DCC: variants seen among roughly 807,000 people sequenced by gnomAD.
DCC encodes the protein netrin receptor DCC.
A neutral mutation model predicts 172.5 loss-of-function variants in DCC; 58 were observed. The ratio of observed to expected loss-of-function variants is 0.34; its 90% CI spans 0.27 to 0.42. DCC has a LOEUF of 0.42. Among genes scored for constraint, DCC ranks in the 10% least tolerant of loss-of-function variants. The probability of loss-of-function intolerance (pLI) is 1.00; values close to 1 mark genes in which losing one functional copy is unlikely to be tolerated. For missense variants in DCC, 1,740 were observed against 1,791.0 expected, an observed-to-expected ratio of 0.97 and a Z score of 0.51; for synonymous variants, 709 against 644.5, an observed-to-expected ratio of 1.10 and a Z score of -1.52.
intron 5 of DCC, among the ~76,000 whole-genome samples, chr18:53,051,327 C>T (rs1332178391): frequency 6.6e-6 from 1 of 152,132 alleles, no homozygotes; most frequent in Non-Finnish European, 1.5e-5. Flanking sequence ...TTTACCTTCT[C>T]ATTCCTCCTC....
chr18:53,066,195 C>A (rs373867750), intron 7 of DCC, 29 bp downstream of exon 7: 2 of 1,606,578 alleles, frequency 1.2e-6, no homozygotes, highest in African/African-American at 1.3e-5. Flanking sequence ...TGCTTTGGTA[C>A]CTGGAATGAA....
intron 2 of DCC, among the ~76,000 whole-genome samples, chr18:52,898,910 A>G (rs2039771071): frequency 6.6e-6 from 1 of 152,128 alleles, no homozygotes; most frequent in African/African-American, 2.4e-5. Flanking sequence ...ACCACTGATA[A>G]CTTTGTTCCT....
At chr18:53,396,463 A>T (rs1047084550) in intron 17 of DCC, among the ~76,000 whole-genome samples, 6 of 152,240 alleles carry the variant, frequency 3.9e-5, no homozygotes, top group African/African-American at 1.4e-4. Flanking sequence ...CAAAGAATGA[A>T]TTCAGAAGAC....
chr18:53,319,239 C>G (rs1383554067), intron 13 of DCC, among the ~76,000 whole-genome samples: 3 of 152,120 alleles, frequency 2.0e-5, no homozygotes, highest in African/African-American at 7.2e-5. Flanking sequence ...ATCATGATGA[C>G]AGGATCAAAT....
chr18:52,591,878 C>T (rs1160122374), intron 1 of DCC, among the ~76,000 whole-genome samples: 4 of 147,906 alleles, frequency 2.7e-5, no homozygotes, highest in South Asian at 4.3e-4. Flanking sequence ...GCTTCCAAAG[C>T]TCTAGGATTA....
At chr18:52,967,697 C>G (rs1005854959) in intron 5 of DCC, among the ~76,000 whole-genome samples, 2 of 152,086 alleles carry the variant, frequency 1.3e-5, no homozygotes, top group Non-Finnish European at 2.9e-5. Context: ...TTAGATCTCT[C>G]TCTAGATGAG....
At chr18:52,932,902 C>G (rs1345277169) in intron 5 of DCC, among the ~76,000 whole-genome samples, 2 of 151,964 alleles carry the variant, frequency 1.3e-5, no homozygotes, top group Non-Finnish European at 2.9e-5. Context: ...ATGATTATCT[C>G]AACCATTAAA....
At chr18:52,542,010 C>T (rs946983671) in intron 1 of DCC, among the ~76,000 whole-genome samples, 1 of 146,708 alleles carries the variant, frequency 6.8e-6, no homozygotes, top group Non-Finnish European at 1.5e-5. Flanking sequence ...AATATGCTAG[C>T]AATATATTAT....
chr18:53,286,767 C>A (rs2056940468), intron 12 of DCC, among the ~76,000 whole-genome samples: 1 of 152,178 alleles, frequency 6.6e-6, no homozygotes, highest in Admixed American at 6.5e-5. Flanking sequence ...AAACAACAGA[C>A]AGGATTTAGG....
chr18:53,300,207 C>T (rs1245939365), intron 12 of DCC, among the ~76,000 whole-genome samples: 3 of 152,096 alleles, frequency 2.0e-5, no homozygotes, highest in Non-Finnish European at 4.4e-5. Flanking sequence ...GCAAAGTTGC[C>T]TGCCTGCTTG....
chr18:52,567,932 A>T (rs1144085), intron 1 of DCC, among the ~76,000 whole-genome samples: 148,412 of 152,234 alleles, frequency 0.97, 72,475 homozygotes, highest in Middle Eastern at 1. Flanking sequence ...CACAGAACTT[A>T]ATATGCATGC....
chr18:52,846,340 C>T (rs2038888609), intron 2 of DCC, among the ~76,000 whole-genome samples: 1 of 151,942 alleles, frequency 6.6e-6, no homozygotes. Context: ...TCAGGAGTTC[C>T]AGACGAGCCC....
At chr18:52,945,796 G>A (rs775440903) in intron 5 of DCC, among the ~76,000 whole-genome samples, 17 of 152,116 alleles carry the variant, frequency 1.1e-4, no homozygotes, top group Non-Finnish European at 2.4e-4. Context: ...ACAACCTAAC[G>A]TCCAAATGTA....
intron 5 of DCC, among the ~76,000 whole-genome samples, chr18:52,965,612 A>G (rs1598978839): frequency 6.6e-6 from 1 of 152,198 alleles, no homozygotes. Context: ...CTTGTTCTTC[A>G]GAAAGGTATT....
intron 1 of DCC, among the ~76,000 whole-genome samples, chr18:52,653,529 T>G (rs983972164): frequency 5.9e-5 from 9 of 152,174 alleles, no homozygotes; most frequent in Non-Finnish European, 1.3e-4. Context: ...CTACACAATC[T>G]GATAAATGCT....
At chr18:52,827,536 A>G (rs1222094449) in intron 2 of DCC, among the ~76,000 whole-genome samples, 1 of 152,238 alleles carries the variant, frequency 6.6e-6, no homozygotes, top group African/African-American at 2.4e-5. Flanking sequence ...TAGGCAGCAC[A>G]TGCTCTTTTC....
At chr18:53,144,234 C>T (rs2043872601) in intron 7 of DCC, among the ~76,000 whole-genome samples, 1 of 152,132 alleles carries the variant, frequency 6.6e-6, no homozygotes, top group South Asian at 2.1e-4. Flanking sequence ...GTTTTTGTTT[C>T]AATACAGTCA....
At chr18:52,427,367 T>A (rs1265851832) in intron 1 of DCC, among the ~76,000 whole-genome samples, 1 of 151,658 alleles carries the variant, frequency 6.6e-6, no homozygotes, top group Non-Finnish European at 1.5e-5. Flanking sequence ...TTTTGAGAAT[T>A]TTTTTTAAAA....
At chr18:52,771,054 C>T (rs926506545) in intron 2 of DCC, among the ~76,000 whole-genome samples, 2 of 152,100 alleles carry the variant, frequency 1.3e-5, no homozygotes, top group Non-Finnish European at 2.9e-5. Context: ...AGAAATAATC[C>T]GCTTTTCTTT....
Sources: gnomAD v4.1 joint callset for allele counts (sites outside exome capture counted in the v4.1 genomes callset) on GRCh38, gnomAD v4.1.1 for gene constraint, MANE v1.5 for transcripts, NCBI Gene and HGNC (gene_info 2026-07-23, HGNC 2026-07-21) for gene names.